The following SPTA1 variants were observed in gnomAD, a reference collection of about 807,000 sequenced individuals.
SPTA1 encodes spectrin alpha, erythrocytic 1.
SPTA1 carries 177 observed loss-of-function variants against 324.7 expected under a neutral mutation model. The observed-to-expected ratio is 0.55, with a 90% CI of 0.48 to 0.62. The LOEUF (loss-of-function observed/expected upper bound fraction) is 0.62, where lower values mean the gene tolerates loss of function less well. Among genes scored for constraint, SPTA1 ranks in the 20% least tolerant of loss-of-function variants. The pLI, the probability that SPTA1 is intolerant of heterozygous loss-of-function variation, is 0.00. For synonymous variants in SPTA1, 1,195 were observed against 1,041.3 expected (o/e 1.15, Z -2.84); for missense variants, 3,162 against 2,883.6 (o/e 1.10, Z -2.21).
At position 158,611,108 on chromosome 1, in the gene SPTA1, ATGTAAT is replaced by A; in HGVS notation, c.*150_*155del. On this transcript the variant is annotated 3_prime_UTR_variant, in exon 52 of 52. Coordinates refer to ENST00000643759, the MANE Select transcript of SPTA1 (RefSeq NM_003126.4). ...GAGATTTTTTAAGATCCTACAATAAATGTAATATGCACACAAACACAAGCACACACA... is the reference window on the plus strand; with the variant it reads ...GAGATTTTTTAAGATCCTACAATAAAATGCACACAAACACAAGCACACACA... The A allele has an allele frequency of 1.0e-6, 1 of 974,022 alleles. No individual in the cohort carries two copies. Among genetic ancestry groups the A allele is most frequent in the Non-Finnish European group, 1.5e-6 (1 of 653,568 alleles). 60.3% of individuals were successfully genotyped at this position (974,022 alleles called of 1,614,324 possible). A position where few individuals can be genotyped will look rare whatever the true frequency, so the allele number is the denominator to read the frequency against.
In SPTA1 at chr1:158,649,873, A is replaced by T. The variant is rs771732251; in HGVS notation, c.3552T>A (p.Ala1184=). The change falls in exon 25 of 52, where the codon GCT becomes GCA. Residue 1184 remains alanine, a synonymous_variant. Transcript: ENST00000643759. ...EQRQLLGSAH[A]VEVFHREADD... ...ATTATTACCTGTGAAACACTTCAAC[A>T]GCATGGGCACTGCCCAGCAGCTGCC... The T allele has an allele frequency of 6.2e-7, 1 of 1,613,794 alleles. No individual in the cohort carries two copies. Among genetic ancestry groups the T allele is most frequent in the Non-Finnish European group, 8.5e-7 (1 of 1,179,816 alleles).
intron 49 of SPTA1, 41 bp downstream of exon 49, chr1:158,614,212 C>T: frequency 7.1e-7 from 1 of 1,417,716 alleles, no homozygotes; most frequent in Non-Finnish European, 1.0e-6. Context: ...TCTGAATAAT[C>T]TGAAAAACAA....
At position 158,640,105 on chromosome 1, in the gene SPTA1, T is replaced by C. The variant is rs367757727; in HGVS notation, c.4738-98A>G. On this transcript the variant is annotated intron_variant, in intron 33 of 51. Transcript: ENST00000643759. ...GTAGGAAGGCTGTGAAGGCAGGAAC[T>C]AGCCAAAATTTGCTGATACTTGAAT... The C allele has an allele frequency of 1.7e-4, 268 of 1,533,870 alleles. No individual in the cohort carries two copies. The African/African-American group carries it at 3.1e-3, about 18-fold the overall frequency.
At chr1:158,648,754 TCCC>T (rs1652189930) in intron 25 of SPTA1, 101 bp from the exon 26 acceptor site, 1 of 1,262,550 alleles carries the variant, frequency 7.9e-7, no homozygotes, top group Non-Finnish European at 1.1e-6. Context: ...CTCACCATCC[TCCC>T]ACCCACCCCC....
At chr1:158,677,110 T>G (rs894241711) in intron 7 of SPTA1, among the ~76,000 whole-genome samples, 5 of 152,170 alleles carry the variant, frequency 3.3e-5, no homozygotes, top group Admixed American at 6.6e-5. Context: ...GTTTACGTTC[T>G]GGCTACATTT....
At chr1:158,666,531 A>G in intron 15 of SPTA1, 34 bp from the exon 16 acceptor site, 1 of 1,579,396 alleles carries the variant, frequency 6.3e-7, no homozygotes, top group South Asian at 1.1e-5. Context: ...GACATTAGGT[A>G]CCATAACTAT....
At position 158,675,570 on chromosome 1, in the gene SPTA1, A is replaced by AT. The variant is rs1202694459; in HGVS notation, c.1112+570dup. Among the ~76,000 whole-genome samples, 8 of 152,116 alleles carry AT rather than the reference A, an allele frequency of 5.3e-5. No homozygotes were observed. In the East Asian group the frequency reaches 1.5e-3, roughly 29 times the overall value. On this transcript the variant is annotated intron_variant, in intron 8 of 51. Transcript: ENST00000643759. ...TAGTACCAAACACTATATACACTAC[A>AT]TTTTTTCATATACCTATATGCCTAT...
intron 35 of SPTA1, 87 bp from the exon 36 acceptor site, chr1:158,638,328 G>C: frequency 7.7e-7 from 1 of 1,305,574 alleles, no homozygotes; most frequent in Non-Finnish European, 1.1e-6. Flanking sequence ...CTGGCTCAAA[G>C]ACTGGGCCAA....
rs1444095518 is a variant in SPTA1 at position 158,641,667 on chromosome 1, C to A, written c.4737+744G>T. ...TTAAAAAGTCAGGAAACAACAGGTG[C>A]TGGAGAGGATGTGGAGAAATAGGAA... On this transcript the variant is annotated intron_variant, in intron 33 of 51. Transcript: ENST00000643759. 2.6e-5 allele frequency among the ~76,000 whole-genome samples: 4 copies of A among 152,158 alleles called. 1 individual carries two copies. The highest frequency in any genetic ancestry group is 5.9e-5 in the Non-Finnish European group (4 of 68,034).
intron 8 of SPTA1, among the ~76,000 whole-genome samples, 177 bp from the exon 9 acceptor site, chr1:158,674,852 G>T (rs1446749935): frequency 6.6e-6 from 1 of 152,130 alleles, no homozygotes; most frequent in Non-Finnish European, 1.5e-5. Context: ...GGTGCAGGTT[G>T]TAAGTCCTTC....
chr1:158,642,476 C>T lies in SPTA1; in HGVS notation c.4672G>A (p.Val1558Ile), dbSNP rs370514287. The T allele has an allele frequency of 1.4e-4, 222 of 1,613,660 alleles. 1 individual carries two copies. Among genetic ancestry groups the T allele is most frequent in the South Asian group, 8.0e-4 (73 of 91,060 alleles). ...VDGRSEQVHG[V>I]INLGNSLIEC... ...ATCAGGGAGTTCCCCAGGTTGATGA[C>T]GCCATGCACCTGCTCAGATCGGCCA... Residue 1558 changes from valine to isoleucine, a missense_variant, in exon 33 of 52, where the codon GTC becomes ATC. Val to Ile is a conservative substitution (Grantham distance 29). Coordinates refer to ENST00000643759, the MANE Select transcript of SPTA1 (RefSeq NM_003126.4).
chr1:158,618,272 G>C (rs1312235106), intron 45 of SPTA1, among the ~76,000 whole-genome samples: 1 of 152,150 alleles, frequency 6.6e-6, no homozygotes, highest in Non-Finnish European at 1.5e-5. Context: ...TCAGGACAAG[G>C]AGCACCAATG....
intron 14 of SPTA1, among the ~76,000 whole-genome samples, 171 bp from the exon 15 acceptor site, chr1:158,668,233 T>G (rs1653756374): frequency 6.6e-6 from 1 of 152,170 alleles, no homozygotes; most frequent in Non-Finnish European, 1.5e-5. Context: ...AATGAATCCC[T>G]CTTTCTACAT....
chr1:158,617,174 A>C (rs1649609226), intron 47 of SPTA1, among the ~76,000 whole-genome samples: 1 of 152,180 alleles, frequency 6.6e-6, no homozygotes, highest in Non-Finnish European at 1.5e-5. Context: ...GGGCACTTTT[A>C]CATTTGCTCC....
At chr1:158,634,151 C>G (rs1408320128) in intron 39 of SPTA1, among the ~76,000 whole-genome samples, 1 of 152,190 alleles carries the variant, frequency 6.6e-6, no homozygotes, top group African/African-American at 2.4e-5. Flanking sequence ...TTTGTTGAAA[C>G]TGCAGCCAAT....
At chr1:158,662,632 C>A (rs940371842) in intron 17 of SPTA1, 70 bp downstream of exon 17, 6 of 1,606,948 alleles carry the variant, frequency 3.7e-6, no homozygotes, top group Non-Finnish European at 5.1e-6. Flanking sequence ...AACTACTGTA[C>A]CCCAGATCTC....
At chr1:158,613,048 G>C (rs2157691) in intron 50 of SPTA1, 87 bp from the exon 51 acceptor site, 380,422 of 1,439,404 alleles carry the variant, frequency 0.26, 52,577 homozygotes, top group East Asian at 0.41. Flanking sequence ...CTCAGAAACA[G>C]AGGAAAGCCA....
In SPTA1 at chr1:158,678,571, T is replaced by C. The variant is rs1215829683; in HGVS notation, c.679-37A>G. The C allele has an allele frequency of 1.9e-6, 3 of 1,607,422 alleles. No individual in the cohort carries two copies. The Admixed American group carries it at 5.0e-5, about 27-fold the overall frequency. ...AAACAACACTGGAGTTATACAGAGATGAGATTATATTTAAAAAATTATTCA... is the reference window on the plus strand; with the variant it reads ...AAACAACACTGGAGTTATACAGAGACGAGATTATATTTAAAAAATTATTCA... On this transcript the variant is annotated intron_variant, in intron 5 of 51. Coordinates refer to ENST00000643759, the MANE Select transcript of SPTA1 (RefSeq NM_003126.4).
rs1207449313 is a variant in SPTA1, at chr1:158,623,181, A to G, written c.5922T>C (p.Asp1974=). 6.2e-7 allele frequency: 1 copy of G among 1,613,992 alleles called. No homozygotes were observed. Among genetic ancestry groups the G allele is most frequent in the Non-Finnish European group, 8.5e-7 (1 of 1,179,994 alleles). The part of the protein sequence containing the change: ...LTLLAKQDTL[D]ASLQSFQQER... ...CTTGCTGGAAACTCTGCAGACTGGC[A>G]TCCAGAGTGTCCTGAGAAAGATCAG... The change falls in exon 43 of 52, where the codon GAT becomes GAC. Residue 1974 remains aspartate, a synonymous_variant. Transcript: ENST00000643759.
Sources: gnomAD v4.1 joint callset for allele counts (sites outside exome capture counted in the v4.1 genomes callset) on GRCh38, gnomAD v4.1.1 for gene constraint, MANE v1.5 for transcripts, NCBI Gene and HGNC (gene_info 2026-07-23, HGNC 2026-07-21) for gene names.